The following CLIP2 variants were observed in gnomAD, a reference collection of about 807,000 sequenced individuals.
CLIP2 encodes CAP-Gly domain-containing linker protein 2.
CLIP2 carries 41 observed loss-of-function variants against 111.7 expected under a neutral mutation model. The observed-to-expected ratio is 0.37, with a 90% CI of 0.29 to 0.48. The LOEUF (loss-of-function observed/expected upper bound fraction) is 0.48, where lower values mean the gene tolerates loss of function less well. CLIP2 is among the 20% of genes least tolerant of loss of function. The probability of loss-of-function intolerance (pLI) is 0.99; values close to 1 mark genes in which losing one functional copy is unlikely to be tolerated. For missense variants in CLIP2, 1,160 were observed against 1,422.1 expected (o/e 0.82, Z 2.96); for synonymous variants, 660 against 644.2 (o/e 1.02, Z -0.37).
At chr7:74,301,058 C>T (rs147043333) in intron 1 of CLIP2, among the ~76,000 whole-genome samples, 7 of 152,288 alleles carry the variant, frequency 4.6e-5, no homozygotes, top group African/African-American at 9.6e-5. Flanking sequence ...ACAGTGTATA[C>T]GCGTTCCCTT....
At position 74,338,970 on chromosome 7, in the gene CLIP2, G is replaced by C. The variant is rs368725559; in HGVS notation, c.644G>C (p.Gly215Ala). Residue 215 changes from glycine to alanine, a missense_variant, in exon 3 of 17, where the codon GGC becomes GCC. Around this residue, in one of 5 missense-constraint regions of CLIP2, gnomAD observed 301 missense variants for 315.2 expected, o/e 0.96. Transcript: ENST00000223398. The surrounding 1 kb of genome is among the most constrained non-coding windows in gnomAD (Gnocchi z 4.3). ...TCAGACAGCGGCTCTGTGAAGCGGG[G>C]CGAAAAGGACCTGCGCCTGGGGGAC... ...NLSDSGSVKR[G>A]EKDLRLGDRV... The C allele has an allele frequency of 2.1e-5, 34 of 1,598,860 alleles. No homozygotes were observed. The highest frequency in any genetic ancestry group is 2.8e-5 in the Non-Finnish European group (33 of 1,179,800).
intron 12 of CLIP2, among the ~76,000 whole-genome samples, chr7:74,387,514 G>A (rs1554315002): frequency 6.6e-6 from 1 of 152,172 alleles, no homozygotes; most frequent in African/African-American, 2.4e-5. Flanking sequence ...GCCTCCCAAA[G>A]TGCTGTGATT....
chr7:74,303,637 C>T lies in CLIP2; in HGVS notation c.-67-13843C>T, dbSNP rs571528888. Among the ~76,000 whole-genome samples, 10 of 142,960 alleles carry T rather than the reference C, an allele frequency of 7.0e-5. No individual in the cohort carries two copies. In the South Asian group the frequency reaches 1.3e-3, roughly 19 times the overall value. 93.8% of individuals were successfully genotyped at this position (142,960 alleles called of 152,430 possible). A position where few individuals can be genotyped will look rare whatever the true frequency, so the allele number is the denominator to read the frequency against. ...TTTAGAAATAGGGTCTTAGGTCAGGCGTGGTGGCTCACGCCTGTAATTCCA... is the reference window on the plus strand; with the variant it reads ...TTTAGAAATAGGGTCTTAGGTCAGGTGTGGTGGCTCACGCCTGTAATTCCA... On this transcript the variant is annotated intron_variant, in intron 1 of 16. Coordinates refer to ENST00000223398, the MANE Select transcript of CLIP2 (RefSeq NM_003388.5).
chr7:74,342,375 C>CAA (rs141312914), intron 3 of CLIP2, among the ~76,000 whole-genome samples: 18 of 94,024 alleles, frequency 1.9e-4, no homozygotes, highest in Non-Finnish European at 3.8e-4. Flanking sequence ...GACTCTGTCT[C>CAA]AAAAAAAAAA....
Position 74,376,440 on chromosome 7 carries a change from A to C in CLIP2, c.2039A>C (p.Lys680Thr). 6.2e-7 allele frequency: 1 copy of C among 1,613,998 alleles called. No individual in the cohort carries two copies. Among genetic ancestry groups the C allele is most frequent in the Non-Finnish European group, 8.5e-7 (1 of 1,180,028 alleles). Residue 680 changes from lysine to threonine, a missense_variant, in exon 10 of 17, where the codon AAG (lysine) becomes ACG (threonine). This residue lies in a region of CLIP2 where 676 missense variants were observed against 777.8 expected (regional missense o/e 0.87). Transcript: ENST00000223398. The surrounding 1 kb of genome is among the most constrained non-coding windows in gnomAD (Gnocchi z 7.1). ...GACCTGGAGACCGCCATGCACGTGA[A>C]GGAGAAGGAGGCCCTGCGAGAGAAG... Reference protein sequence around the residue: ...KHDLETAMHVKEKEALREKLQ... With the variant: ...KHDLETAMHVTEKEALREKLQ...
intron 1 of CLIP2, among the ~76,000 whole-genome samples, chr7:74,305,417 T>A (rs1354625308): frequency 1.3e-5 from 2 of 152,094 alleles, no homozygotes; most frequent in African/African-American, 4.8e-5. Context: ...TGCTTTGAGT[T>A]CTCTGCTGCA....
At chr7:74,295,393 C>G (rs114855620) in intron 1 of CLIP2, among the ~76,000 whole-genome samples, 2,961 of 152,244 alleles carry the variant, frequency 0.019, 107 homozygotes, top group African/African-American at 0.067. Flanking sequence ...CAGTGAAAAA[C>G]TCACCATTCT....
At chr7:74,325,659 TCGTC>T (rs1564039869) in intron 2 of CLIP2, among the ~76,000 whole-genome samples, 2 of 151,810 alleles carry the variant, frequency 1.3e-5, no homozygotes, top group Non-Finnish European at 2.9e-5. Context: ...TGGTGAATCC[TCGTC>T]TCTACTAAAA....
chr7:74,358,785 G>C (rs1319642314), intron 6 of CLIP2, among the ~76,000 whole-genome samples: 1 of 151,812 alleles, frequency 6.6e-6, no homozygotes, highest in Non-Finnish European at 1.5e-5. Flanking sequence ...TGCCCAGGCT[G>C]GTCTGAAACT....
intron 2 of CLIP2, among the ~76,000 whole-genome samples, chr7:74,325,176 G>C (rs532061281): frequency 1.3e-5 from 2 of 152,338 alleles, no homozygotes; most frequent in South Asian, 2.1e-4. Context: ...TGCCCACCCA[G>C]TGGAGAGGGG....
chr7:74,310,183 A>G (rs1324184961), intron 1 of CLIP2, among the ~76,000 whole-genome samples: 1 of 149,210 alleles, frequency 6.7e-6, no homozygotes, highest in African/African-American at 2.5e-5. Flanking sequence ...AGCCATGATC[A>G]TGCCACCACA....
intron 1 of CLIP2, among the ~76,000 whole-genome samples, chr7:74,298,355 G>GTTTTTTTT (rs1564023938): frequency 1.9e-5 from 2 of 107,896 alleles, no homozygotes; most frequent in African/African-American, 5.9e-5. Flanking sequence ...CCTGCTAATT[G>GTTTTTTTT]GTTTTTTTTT....
chr7:74,330,359 C>T (rs1449093889), intron 2 of CLIP2, among the ~76,000 whole-genome samples: 3 of 151,220 alleles, frequency 2.0e-5, no homozygotes, highest in Admixed American at 6.6e-5. Context: ...TAAGTTCAAG[C>T]GATTCTCCTT....
chr7:74,364,735 C>G, intron 8 of CLIP2: 1 of 369,596 alleles, frequency 2.7e-6, no homozygotes, highest in East Asian at 7.5e-5. Context: ...GCTCAGAGAC[C>G]AAGGGAGCTG....
intron 12 of CLIP2, 128 bp from the exon 13 acceptor site, chr7:74,388,975 A>C: frequency 8.8e-7 from 1 of 1,141,150 alleles, no homozygotes; most frequent in Non-Finnish European, 1.2e-6. Context: ...CGTCAAAACT[A>C]TGCAGTGGGG....
At chr7:74,363,119 C>T (rs1790379417) in intron 7 of CLIP2, among the ~76,000 whole-genome samples, 1 of 152,174 alleles carries the variant, frequency 6.6e-6, no homozygotes. Context: ...ATTCTCCTGC[C>T]TCAGCCTCCT....
chr7:74,327,706 G>T (rs546594086), intron 2 of CLIP2, among the ~76,000 whole-genome samples: 2 of 152,270 alleles, frequency 1.3e-5, no homozygotes, highest in East Asian at 3.9e-4. Context: ...AGCCAAGCCC[G>T]CTCTTCTGTG....
At chr7:74,358,899 G>A (rs981448985) in intron 6 of CLIP2, among the ~76,000 whole-genome samples, 1 of 152,122 alleles carries the variant, frequency 6.6e-6, no homozygotes, top group African/African-American at 2.4e-5. Flanking sequence ...CTGCATTGCT[G>A]TCTATCACAG....
chr7:74,376,289 G>T lies in CLIP2; in HGVS notation c.1888G>T (p.Asp630Tyr). ...CTCGGACCACCAGAAGTCCCTGGAGGACCTCAAAGCCACCCTGAACTCGGG... is the reference window on the plus strand; with the variant it reads ...CTCGGACCACCAGAAGTCCCTGGAGTACCTCAAAGCCACCCTGAACTCGGG... ...LASDHQKSLE[D>Y]LKATLNSGPG... Residue 630 changes from aspartate (D) to tyrosine (Y), a missense_variant, in exon 10 of 17, where the codon GAC becomes TAC. Asp to Tyr is a radical substitution (Grantham distance 160). Coordinates refer to ENST00000223398, the MANE Select transcript of CLIP2 (RefSeq NM_003388.5). The surrounding 1 kb of genome is among the most constrained non-coding windows in gnomAD (Gnocchi z 7.1). 1 of 1,613,752 alleles carries T rather than the reference G, an allele frequency of 6.2e-7. No homozygotes were observed. Among genetic ancestry groups the T allele is most frequent in the Non-Finnish European group, 8.5e-7 (1 of 1,179,920 alleles).
Sources: gnomAD v4.1 joint callset for allele counts (sites outside exome capture counted in the v4.1 genomes callset) on GRCh38, gnomAD v4.1.1 for gene constraint, gnomAD v4.1.1 regional missense constraint, Gnocchi (gnomAD v3.1) non-coding constraint, MANE v1.5 for transcripts, NCBI Gene and HGNC (gene_info 2026-07-23, HGNC 2026-07-21) for gene names.